ROBO2: variants seen among roughly 807,000 people sequenced by gnomAD.
ROBO2 encodes roundabout homolog 2.
Under a neutral mutation model 160.8 loss-of-function variants are expected in ROBO2, and 53 were observed. The ratio of observed to expected loss-of-function variants is 0.33; its 90% CI spans 0.26 to 0.41. The LOEUF is 0.41. ROBO2 is among the 10% of genes least tolerant of loss of function. The probability of loss-of-function intolerance (pLI) is 1.00; values close to 1 mark genes in which losing one functional copy is unlikely to be tolerated. For synonymous variants in ROBO2, 664 were observed against 611.7 expected (o/e 1.09, Z -1.26); for missense variants, 1,577 against 1,722.4 (o/e 0.92, Z 1.49).
intron 2 of ROBO2, among the ~76,000 whole-genome samples, chr3:76,481,607 T>A (rs2079210900): frequency 1.3e-5 from 2 of 152,176 alleles, no homozygotes; most frequent in South Asian, 4.1e-4. Flanking sequence ...AAAGTTTGCA[T>A]CAGCATCATC....
chr3:77,303,163 T>C (rs2062804141), intron 2 of ROBO2, among the ~76,000 whole-genome samples: 1 of 152,208 alleles, frequency 6.6e-6, no homozygotes, highest in African/African-American at 2.4e-5. Flanking sequence ...TAACCGCACC[T>C]CCATGCCATG....
intron 2 of ROBO2, among the ~76,000 whole-genome samples, chr3:77,245,683 C>T (rs901292797): frequency 6.6e-6 from 1 of 152,268 alleles, no homozygotes; most frequent in Non-Finnish European, 1.5e-5. Flanking sequence ...GATTCTCATT[C>T]GAGTGAGGGA....
intron 2 of ROBO2, among the ~76,000 whole-genome samples, chr3:76,219,433 A>G (rs1458374471): frequency 6.6e-6 from 1 of 152,240 alleles, no homozygotes; most frequent in Non-Finnish European, 1.5e-5. Flanking sequence ...TTACCTGACA[A>G]AAGGCTAATA....
At chr3:76,437,053 A>G (rs1171922217) in intron 2 of ROBO2, among the ~76,000 whole-genome samples, 1 of 152,196 alleles carries the variant, frequency 6.6e-6, no homozygotes, top group Non-Finnish European at 1.5e-5. Flanking sequence ...GAATTTGTGT[A>G]ACAGAATGAT....
intron 2 of ROBO2, among the ~76,000 whole-genome samples, chr3:76,603,711 T>C (rs1051575939): frequency 1.3e-5 from 2 of 152,184 alleles, no homozygotes; most frequent in African/African-American, 2.4e-5. Flanking sequence ...ATAAGCTTCA[T>C]AACATGTGTG....
intron 2 of ROBO2, among the ~76,000 whole-genome samples, chr3:77,280,676 A>G (rs750105947): frequency 3.3e-5 from 5 of 152,154 alleles, no homozygotes; most frequent in African/African-American, 4.8e-5. Context: ...CAATCCTATG[A>G]CTTGATGTAT....
At chr3:76,217,192 A>T (rs1356129417) in intron 2 of ROBO2, among the ~76,000 whole-genome samples, 1 of 152,230 alleles carries the variant, frequency 6.6e-6, no homozygotes, top group Admixed American at 6.5e-5. Flanking sequence ...GTAGCACTAA[A>T]TGTCCACAAG....
intron 2 of ROBO2, among the ~76,000 whole-genome samples, chr3:77,401,724 A>C (rs1444006993): frequency 6.6e-6 from 1 of 152,166 alleles, no homozygotes; most frequent in Non-Finnish European, 1.5e-5. Flanking sequence ...GGCAGCCATC[A>C]GGCGATGGTC....
chr3:77,246,999 A>G (rs2089803944), intron 2 of ROBO2, among the ~76,000 whole-genome samples: 1 of 152,206 alleles, frequency 6.6e-6, no homozygotes, highest in South Asian at 2.1e-4. Context: ...ATTATATTCA[A>G]TTTAATGGAA....
chr3:75,908,100 C>G (rs543626761), intron 1 of ROBO2, among the ~76,000 whole-genome samples: 1 of 152,148 alleles, frequency 6.6e-6, no homozygotes, highest in African/African-American at 2.4e-5. Flanking sequence ...TACAGTTAGT[C>G]ACATGACACA....
intron 2 of ROBO2, among the ~76,000 whole-genome samples, chr3:76,542,016 C>T (rs116364017): frequency 0.013 from 1,915 of 152,226 alleles, 48 homozygotes; most frequent in African/African-American, 0.04. Context: ...CTTCTTCCCT[C>T]CTCTCTGCCA....
intron 1 of ROBO2, among the ~76,000 whole-genome samples, chr3:77,051,277 A>C (rs1400691864): frequency 6.6e-6 from 1 of 152,212 alleles, no homozygotes; most frequent in East Asian, 1.9e-4. Context: ...AGAATCAGAA[A>C]ATATGTACAA....
At chr3:77,604,770 A>G (rs1409012274) in intron 20 of ROBO2, among the ~76,000 whole-genome samples, 2 of 152,168 alleles carry the variant, frequency 1.3e-5, no homozygotes, top group Non-Finnish European at 2.9e-5. Flanking sequence ...CACCTTGTGG[A>G]TAACTAATCA....
intron 2 of ROBO2, among the ~76,000 whole-genome samples, chr3:77,426,598 A>ATGTGTGTG (rs1251567768): frequency 6.3e-5 from 8 of 127,352 alleles, no homozygotes; most frequent in South Asian, 3.0e-4. Context: ...ACACATACAT[A>ATGTGTGTG]TGTGTGTGTC....
chr3:76,282,144 G>A (rs1366431898), intron 2 of ROBO2, among the ~76,000 whole-genome samples: 3 of 151,924 alleles, frequency 2.0e-5, no homozygotes, highest in Non-Finnish European at 4.4e-5. Flanking sequence ...CACATTGACT[G>A]GAAACTCTTT....
chr3:75,980,994 C>A (rs1310197775), intron 2 of ROBO2, among the ~76,000 whole-genome samples: 1 of 151,452 alleles, frequency 6.6e-6, no homozygotes, highest in African/African-American at 2.4e-5. Context: ...TTATTTTGTG[C>A]AATAGAAACA....
chr3:76,115,083 G>A lies in ROBO2; in HGVS notation c.109+177481G>A, dbSNP rs564905471. 1.9e-4 allele frequency among the ~76,000 whole-genome samples: 29 copies of A among 152,190 alleles called. 1 individual carries two copies. The South Asian group carries it at 5.8e-3, about 30-fold the overall frequency. On this transcript the variant is annotated intron_variant, in intron 2 of 26. Transcript: ENST00000487694. Reference sequence around the variant, plus strand: ...ATTTTAAACAAGATCTTTAACAGATGTTCTTATGGTTAGAACTCAACTTCG... The same window carrying A: ...ATTTTAAACAAGATCTTTAACAGATATTCTTATGGTTAGAACTCAACTTCG...
chr3:76,183,137 A>G (rs564111239), intron 2 of ROBO2, among the ~76,000 whole-genome samples: 1 of 152,168 alleles, frequency 6.6e-6, no homozygotes, highest in East Asian at 1.9e-4. Flanking sequence ...GACAGCTGAA[A>G]CCTAGGTTCA....
intron 1 of ROBO2, among the ~76,000 whole-genome samples, chr3:77,050,327 G>A (rs191062740): frequency 2.4e-4 from 36 of 150,776 alleles, no homozygotes; most frequent in Admixed American, 1.8e-3. Flanking sequence ...GTATATAACC[G>A]TTTGTGTATT....
Sources: allele counts gnomAD v4.1 joint callset (sites outside exome capture counted in the v4.1 genomes callset), GRCh38; gene constraint gnomAD v4.1.1; transcripts MANE v1.5; gene names NCBI Gene and HGNC (gene_info 2026-07-23, HGNC 2026-07-21).